RBM27: variants seen among roughly 807,000 people sequenced by gnomAD.
The protein encoded by RBM27 is RNA-binding protein 27.
Under a neutral mutation model 135.3 loss-of-function variants are expected in RBM27, and 22 were observed. The observed-to-expected ratio is 0.16, with a 90% confidence interval of 0.12 to 0.23. The LOEUF is 0.23. Ranked by LOEUF, RBM27 falls within the 10% of genes least tolerant of loss-of-function variation. The pLI is 1.00. For missense variants in RBM27, 1,009 were observed against 1,281.0 expected (o/e 0.79, Z 3.24); for synonymous variants, 481 against 442.4 (o/e 1.09, Z -1.10).
rs1758395302 is a variant in RBM27 at position 146,261,525 on chromosome 5, G to A, written c.1909G>A (p.Asp637Asn). Reference sequence around the variant, plus strand: ...TTTCTTCAAGGTTGCTTTTAAGGGTGACCCAGAAGCAGCCCTAATCCAATA... The same window carrying A: ...TTTCTTCAAGGTTGCTTTTAAGGGTAACCCAGAAGCAGCCCTAATCCAATA... ...IVNIQVAFKG[D>N]PEAALIQYLT... The change falls in exon 13 of 21, where the codon GAC becomes AAC. Residue 637 changes from aspartate to asparagine, a missense_variant. By Grantham distance (23) the Asp-to-Asn change is conservative (BLOSUM62 1). Coordinates refer to ENST00000265271, the MANE Select transcript of RBM27 (RefSeq NM_018989.2). 1 of 1,613,844 alleles carries A rather than the reference G, an allele frequency of 6.2e-7. No individual in the cohort carries two copies. The highest frequency in any genetic ancestry group is 2.2e-5 in the East Asian group (1 of 44,882).
rs752746471 is a variant in RBM27 at position 146,271,019 on chromosome 5, C to T, written c.2757C>T (p.Thr919=). Residue 919 remains threonine (T), a synonymous_variant, in exon 18 of 21, where the codon ACC becomes ACT. Transcript: ENST00000265271. ...LHKRLSSGED[T]TELRKKLSQL... ...AGAGGCTGTCCTCAGGAGAAGACAC[C>T]ACAGAATTACGGAAAAAACTCAGTC... The T allele has an allele frequency of 1.2e-6, 2 of 1,613,448 alleles. No homozygotes were observed. Among genetic ancestry groups the T allele is most frequent in the Non-Finnish European group, 8.5e-7 (1 of 1,179,600 alleles).
Position 146,230,871 on chromosome 5 carries a change from T to G in RBM27, c.804T>G (p.Ser268=). Residue 268 remains serine (S), a synonymous_variant, in exon 6 of 21, where the codon TCT becomes TCG. Transcript: ENST00000265271. ...ATAACAATCATAGCTCTTCCAATTC[T>G]TTTGGTCGAAACCTACCACCAAAGA... The part of the protein sequence containing the change: ...NYYNNHSSSN[S]FGRNLPPKRR... 1 of 1,614,218 alleles carries G rather than the reference T, an allele frequency of 6.2e-7. No homozygotes were observed. The highest frequency in any genetic ancestry group is 8.5e-7 in the Non-Finnish European group (1 of 1,180,034).
chr5:146,204,177 A>G (rs1427401637), intron 1 of RBM27, among the ~76,000 whole-genome samples: 1 of 152,202 alleles, frequency 6.6e-6, no homozygotes, highest in African/African-American at 2.4e-5. Context: ...AGGGATTTTT[A>G]AAATGTGAAT....
At chr5:146,269,742 C>CT (rs34783557) in intron 17 of RBM27, among the ~76,000 whole-genome samples, 158 bp downstream of exon 17, 3,292 of 118,924 alleles carry the variant, frequency 0.028, 190 homozygotes, top group African/African-American at 0.092. Context: ...ATTATAGTAC[C>CT]TTTTTTTTTT....
intron 8 of RBM27, among the ~76,000 whole-genome samples, chr5:146,242,679 C>T (rs4705157): frequency 0.21 from 32,235 of 152,066 alleles, 4,267 homozygotes; most frequent in Admixed American, 0.33. Context: ...CTGCAACCTC[C>T]GCCTCTTGGT....
intron 1 of RBM27, among the ~76,000 whole-genome samples, chr5:146,212,031 C>T (rs1012344144): frequency 6.6e-6 from 1 of 151,872 alleles, no homozygotes; most frequent in African/African-American, 2.4e-5. Context: ...CTTTTATAAC[C>T]ATCACTTTGG....
At chr5:146,231,743 AAGTAGC>A (rs967532985) in intron 6 of RBM27, among the ~76,000 whole-genome samples, 1 of 151,964 alleles carries the variant, frequency 6.6e-6, no homozygotes, top group Admixed American at 6.6e-5. Context: ...TCAGCCTCCC[AAGTAGC>A]TGGGATTATA....
intron 15 of RBM27, 81 bp from the exon 16 acceptor site, chr5:146,269,126 C>G (rs1758752569): frequency 3.2e-6 from 3 of 931,488 alleles, no homozygotes; most frequent in Non-Finnish European, 5.0e-6. Flanking sequence ...GACAGTCTGT[C>G]TCAGGGATGA....
chr5:146,270,495 T>A (rs1758815410), intron 17 of RBM27, among the ~76,000 whole-genome samples: 1 of 152,160 alleles, frequency 6.6e-6, no homozygotes, highest in African/African-American at 2.4e-5. Context: ...GGTGAAAAAA[T>A]CATTGGCAGT....
At chr5:146,270,685 A>G (rs1005603383) in intron 17 of RBM27, among the ~76,000 whole-genome samples, 1 of 152,182 alleles carries the variant, frequency 6.6e-6, no homozygotes, top group Non-Finnish European at 1.5e-5. Flanking sequence ...TGTGACAGTT[A>G]TTCTCAGCTC....
At chr5:146,273,236 A>G (rs968445524) in intron 19 of RBM27, among the ~76,000 whole-genome samples, 4 of 152,180 alleles carry the variant, frequency 2.6e-5, no homozygotes, top group Non-Finnish European at 5.9e-5. Flanking sequence ...TACATGTTCT[A>G]TCCTGTGGTC....
At chr5:146,263,403 C>G (rs1160445002) in intron 13 of RBM27, 88 bp from the exon 14 acceptor site, 22 of 1,322,948 alleles carry the variant, frequency 1.7e-5, no homozygotes, top group African/African-American at 3.0e-5. Context: ...TTCTTATCTT[C>G]TTCCCTAGAG....
chr5:146,283,519 CAG>C (rs1236384546), intron 19 of RBM27, among the ~76,000 whole-genome samples: 6 of 151,390 alleles, frequency 4.0e-5, no homozygotes, highest in Non-Finnish European at 8.8e-5. Flanking sequence ...GCCTGGGAAT[CAG>C]AGCAAGACCC....
At chr5:146,253,141 G>C (rs181919368) in intron 9 of RBM27, among the ~76,000 whole-genome samples, 2 of 152,168 alleles carry the variant, frequency 1.3e-5, no homozygotes, top group Admixed American at 1.3e-4. Context: ...GGGATTACAG[G>C]CGTGCATCAC....
intron 1 of RBM27, among the ~76,000 whole-genome samples, chr5:146,214,373 T>TA (rs1756101867): frequency 6.6e-6 from 1 of 152,128 alleles, no homozygotes. Flanking sequence ...TAGTTGCAAA[T>TA]AAAGTGGCTA....
chr5:146,271,490 G>A lies in RBM27; in HGVS notation c.2804G>A (p.Arg935Gln), dbSNP rs369441283. ...KLSQLQVEAA[R>Q]LGILPVGRGK... ...CTTTTTGTTGTTATTCAGGCTGCACGGTTAGGTATTTTACCTGTGGGTCGA... is the reference window on the plus strand; with the variant it reads ...CTTTTTGTTGTTATTCAGGCTGCACAGTTAGGTATTTTACCTGTGGGTCGA... The change falls in exon 19 of 21, where the codon CGG (arginine) becomes CAG (glutamine). Residue 935 changes from arginine to glutamine, a missense_variant. By Grantham distance (43) the Arg-to-Gln change is conservative. Coordinates refer to ENST00000265271, the MANE Select transcript of RBM27 (RefSeq NM_018989.2). The A allele has an allele frequency of 1.2e-6, 2 of 1,610,094 alleles. No individual in the cohort carries two copies. Among genetic ancestry groups the A allele is most frequent in the Non-Finnish European group, 1.7e-6 (2 of 1,176,874 alleles).
chr5:146,251,602 G>A (rs1049546187), intron 8 of RBM27, 109 bp from the exon 9 acceptor site: 1 of 1,048,566 alleles, frequency 9.5e-7, no homozygotes, highest in Non-Finnish European at 1.4e-6. Flanking sequence ...TTCTATTCCT[G>A]TTGGTTTAAT....
intron 2 of RBM27, 76 bp downstream of exon 2, chr5:146,219,179 T>C: frequency 9.6e-7 from 1 of 1,037,962 alleles, no homozygotes; most frequent in Non-Finnish European, 1.4e-6. Flanking sequence ...GTCTTGGAGA[T>C]ATAAGCTTGA....
At chr5:146,217,748 G>T (rs947792460) in intron 1 of RBM27, among the ~76,000 whole-genome samples, 1 of 151,564 alleles carries the variant, frequency 6.6e-6, no homozygotes, top group Non-Finnish European at 1.5e-5. Context: ...TGAATTTTTT[G>T]TTTGTTTGTT....
Sources: allele counts gnomAD v4.1 joint callset (sites outside exome capture counted in the v4.1 genomes callset), GRCh38; gene constraint gnomAD v4.1.1; transcripts MANE v1.5; gene names NCBI Gene and HGNC (gene_info 2026-07-23, HGNC 2026-07-21).